Variants in FSTL5 observed in about 807,000 individuals in gnomAD.
The protein encoded by FSTL5 is follistatin-related protein 5.
A neutral mutation model predicts 89.1 loss-of-function variants in FSTL5; 62 were observed. The ratio of observed to expected loss-of-function variants is 0.70; its 90% confidence interval spans 0.57 to 0.86. The LOEUF (loss-of-function observed/expected upper bound fraction) is 0.86. Among genes scored for constraint, FSTL5 ranks in the 40% least tolerant of loss-of-function variants. The probability of loss-of-function intolerance (pLI) is 0.00; values close to 1 mark genes in which losing one functional copy is unlikely to be tolerated. For synonymous variants in FSTL5, 383 were observed against 346.2 expected, an observed-to-expected ratio of 1.11 and a Z score of -1.18; for missense variants, 1,057 against 1,001.6, an observed-to-expected ratio of 1.06 and a Z score of -0.75.
chr4:162,117,437 C>T (rs1183205627), intron 1 of FSTL5, among the ~76,000 whole-genome samples: 1 of 152,004 alleles, frequency 6.6e-6, no homozygotes, highest in Non-Finnish European at 1.5e-5. Context: ...TATAGGAACC[C>T]GGAGTTTAGC....
At chr4:161,659,985 A>G (rs1483271149) in intron 6 of FSTL5, among the ~76,000 whole-genome samples, 2 of 152,164 alleles carry the variant, frequency 1.3e-5, no homozygotes, top group Non-Finnish European at 2.9e-5. Flanking sequence ...GTCCAGAGTC[A>G]CCTGGTGCCC....
chr4:161,972,216 C>T (rs531778290), intron 3 of FSTL5, among the ~76,000 whole-genome samples: 33 of 152,118 alleles, frequency 2.2e-4, no homozygotes, highest in Middle Eastern at 3.4e-3. Context: ...CTCAGCCTCA[C>T]GAATAGCTGG....
intron 4 of FSTL5, among the ~76,000 whole-genome samples, chr4:161,817,870 A>T (rs1271766013): frequency 6.6e-6 from 1 of 152,232 alleles, no homozygotes; most frequent in Non-Finnish European, 1.5e-5. Context: ...CTGGGAAGGG[A>T]AGAGCGTGGT....
At chr4:161,779,022 C>G (rs552265939) in intron 4 of FSTL5, among the ~76,000 whole-genome samples, 1 of 152,296 alleles carries the variant, frequency 6.6e-6, no homozygotes, top group African/African-American at 2.4e-5. Context: ...TGAACTTAGA[C>G]CAATGGCATT....
At chr4:161,960,229 C>T (rs572090083) in intron 3 of FSTL5, among the ~76,000 whole-genome samples, 80 of 141,984 alleles carry the variant, frequency 5.6e-4, no homozygotes, top group Non-Finnish European at 9.8e-4. Context: ...TACAATGGCA[C>T]AATCTCGACT....
At chr4:161,992,173 G>A (rs1012957096) in intron 3 of FSTL5, among the ~76,000 whole-genome samples, 2 of 152,184 alleles carry the variant, frequency 1.3e-5, no homozygotes, top group Admixed American at 1.3e-4. Context: ...GATAAAGTAG[G>A]AGTCACGAAA....
At position 161,631,795 on chromosome 4, in the gene FSTL5, T is replaced by C. The variant is rs572371342; in HGVS notation, c.894+24533A>G. ...CTAATAACAAATGAAAAGGTTTAAA[T>C]TACATTTTTATTATTCATTGAAGAA... is the stretch of plus-strand genomic sequence containing the variant. On this transcript the variant is annotated intron_variant, in intron 7 of 15. Coordinates refer to ENST00000306100, the MANE Select transcript of FSTL5 (RefSeq NM_020116.5). Among the ~76,000 whole-genome samples, 290 of 152,308 alleles carry C rather than the reference T, an allele frequency of 1.9e-3. 3 individuals carry two copies. The highest frequency in any genetic ancestry group is 7.0e-3 in the African/African-American group (289 of 41,562).
At chr4:161,407,251 T>C (rs577979038) in intron 15 of FSTL5, among the ~76,000 whole-genome samples, 119 of 152,312 alleles carry the variant, frequency 7.8e-4, no homozygotes, top group Non-Finnish European at 1.4e-3. Context: ...GGCCACGTGA[T>C]GGTCTAGCAG....
chr4:162,035,355 G>A (rs10004692), intron 2 of FSTL5: 151,891 of 152,228 alleles, frequency 1, 75,777 homozygotes, highest in Middle Eastern at 1. Context: ...AATTATACAT[G>A]TAGCCACAGG....
intron 7 of FSTL5, among the ~76,000 whole-genome samples, chr4:161,618,695 C>A (rs887122155): frequency 2.6e-5 from 4 of 151,970 alleles, no homozygotes; most frequent in African/African-American, 9.7e-5. Flanking sequence ...TGGTGGATAA[C>A]CTTTTTGATG....
intron 7 of FSTL5, among the ~76,000 whole-genome samples, chr4:161,613,586 G>T (rs1734732879): frequency 6.6e-6 from 1 of 152,062 alleles, no homozygotes; most frequent in African/African-American, 2.4e-5. Context: ...GAGACAGGGA[G>T]ACCGAAGAAA....
chr4:162,138,270 A>G (rs1487265303), intron 1 of FSTL5, among the ~76,000 whole-genome samples: 2 of 151,856 alleles, frequency 1.3e-5, no homozygotes, highest in African/African-American at 4.8e-5. Context: ...GATGGAGAAA[A>G]CTCTTCAGAG....
intron 4 of FSTL5, among the ~76,000 whole-genome samples, chr4:161,847,014 G>GT (rs1731389101): frequency 6.6e-6 from 1 of 152,084 alleles, no homozygotes; most frequent in Non-Finnish European, 1.5e-5. Flanking sequence ...GTTATTTCAA[G>GT]TAAGTGTTTG....
chr4:162,124,632 T>C (rs1394125787), intron 1 of FSTL5, among the ~76,000 whole-genome samples: 2 of 152,144 alleles, frequency 1.3e-5, no homozygotes, highest in Admixed American at 1.3e-4. Context: ...GCAGCCAAAA[T>C]AATACTGAAC....
intron 4 of FSTL5, among the ~76,000 whole-genome samples, chr4:161,909,201 A>T (rs1359181916): frequency 6.6e-6 from 1 of 152,140 alleles, no homozygotes; most frequent in Non-Finnish European, 1.5e-5. Context: ...TGGTCCATAC[A>T]TAAGCTGAGG....
At chr4:162,037,804 A>G (rs527957688) in intron 2 of FSTL5, among the ~76,000 whole-genome samples, 1 of 152,058 alleles carries the variant, frequency 6.6e-6, no homozygotes, top group South Asian at 2.1e-4. Context: ...AAAGTTGTAT[A>G]AACCCCTTTC....
At chr4:161,579,568 T>C (rs1733352381) in intron 8 of FSTL5, among the ~76,000 whole-genome samples, 1 of 151,722 alleles carries the variant, frequency 6.6e-6, no homozygotes, top group African/African-American at 2.4e-5. Flanking sequence ...AATATAAAAA[T>C]TAGCTGGGCA....
rs144121540 is a variant in FSTL5, at chr4:161,913,180, C to T, written c.409+7224G>A. Among the ~76,000 whole-genome samples the T allele has an allele frequency of 2.9e-3, 449 of 152,254 alleles. 6 individuals are homozygous for T. In the South Asian group the frequency reaches 0.051, roughly 17 times the overall value. On this transcript the variant is annotated intron_variant, in intron 4 of 15. Coordinates refer to ENST00000306100, the MANE Select transcript of FSTL5 (RefSeq NM_020116.5). ...CACATTTTTGAGGAGAAATTCAAAG[C>T]GGCTACAGGAATTTGTATAAGCAGC...
At chr4:161,816,486 A>C (rs1051505955) in intron 4 of FSTL5, among the ~76,000 whole-genome samples, 1 of 152,190 alleles carries the variant, frequency 6.6e-6, no homozygotes, top group Non-Finnish European at 1.5e-5. Context: ...ATACATAATC[A>C]TATAGAGACT....
Sources: gnomAD v4.1 joint callset for allele counts (sites outside exome capture counted in the v4.1 genomes callset) on GRCh38, gnomAD v4.1.1 for gene constraint, MANE v1.5 for transcripts, NCBI Gene and HGNC (gene_info 2026-07-23, HGNC 2026-07-21) for gene names.